The following GALNT13 variants were observed in gnomAD, a reference collection of about 807,000 sequenced individuals.
GALNT13 encodes the protein polypeptide N-acetylgalactosaminyltransferase 13.
Under a neutral mutation model 64.2 loss-of-function variants are expected in GALNT13, and 28 were observed. The observed-to-expected ratio is 0.44, with a 90% CI of 0.32 to 0.60. The LOEUF is 0.60. Ranked by LOEUF, GALNT13 falls within the 20% of genes least tolerant of loss-of-function variation. The pLI, the probability that GALNT13 is intolerant of heterozygous loss-of-function variation, is 0.05. For missense variants in GALNT13, 577 were observed against 669.8 expected, an observed-to-expected ratio of 0.86 and a Z score of 1.53; for synonymous variants, 214 against 224.6, an observed-to-expected ratio of 0.95 and a Z score of 0.42.
the GALNT13 span, among the ~76,000 whole-genome samples, chr2:153,170,451 A>T: frequency 1.3e-5 from 2 of 152,228 alleles, no homozygotes; most frequent in South Asian, 4.1e-4. Flanking sequence ...TAATTATAAG[A>T]AGAAATGTAT....
At chr2:153,493,569 C>G in the GALNT13 span, among the ~76,000 whole-genome samples, 4 of 151,660 alleles carry the variant, frequency 2.6e-5, no homozygotes, top group African/African-American at 4.8e-5. Context: ...GAAATAAGAC[C>G]AATCTTACAC....
chr2:153,480,348 T>A, the GALNT13 span, among the ~76,000 whole-genome samples: 2 of 152,168 alleles, frequency 1.3e-5, no homozygotes, highest in African/African-American at 4.8e-5. Context: ...TGCCTTCTGG[T>A]TGAGTTTTCA....
chr2:153,859,607 G>A, the GALNT13 span, among the ~76,000 whole-genome samples: 2 of 152,098 alleles, frequency 1.3e-5, no homozygotes, highest in Admixed American at 6.5e-5. Context: ...AAAATAAATA[G>A]ATAAGTATAA....
chr2:154,084,855 C>A (rs2105423640), intron 3 of GALNT13, among the ~76,000 whole-genome samples: 1 of 151,990 alleles, frequency 6.6e-6, no homozygotes, highest in Admixed American at 6.6e-5. Flanking sequence ...TCATGATTAA[C>A]AAGTTTGAAC....
chr2:153,542,462 G>T, the GALNT13 span, among the ~76,000 whole-genome samples: 3 of 152,258 alleles, frequency 2.0e-5, no homozygotes, highest in Non-Finnish European at 4.4e-5. Context: ...TACAGCTTGA[G>T]CAACTAGGAA....
At chr2:154,138,494 G>T (rs569325747) in intron 3 of GALNT13, among the ~76,000 whole-genome samples, 33 of 149,606 alleles carry the variant, frequency 2.2e-4, no homozygotes, top group African/African-American at 7.6e-4. Context: ...TTTTCAAAAT[G>T]TTAAGAATCA....
intron 9 of GALNT13, among the ~76,000 whole-genome samples, chr2:154,336,525 G>A (rs768061372): frequency 6.6e-6 from 1 of 152,098 alleles, no homozygotes; most frequent in African/African-American, 2.4e-5. Context: ...CAAAGTTACT[G>A]TGTTGGCAAA....
chr2:153,785,537 A>G, the GALNT13 span, among the ~76,000 whole-genome samples: 1 of 152,182 alleles, frequency 6.6e-6, no homozygotes, highest in African/African-American at 2.4e-5. Context: ...CCAATCCAGT[A>G]TCTCCCTACT....
At chr2:154,147,456 G>A (rs1222909438) in intron 4 of GALNT13, among the ~76,000 whole-genome samples, 1 of 151,060 alleles carries the variant, frequency 6.6e-6, no homozygotes, top group Non-Finnish European at 1.5e-5. Flanking sequence ...AAGGCATGAT[G>A]AAGGACAGTT....
chr2:153,103,966 A>G, the GALNT13 span, among the ~76,000 whole-genome samples: 3 of 152,146 alleles, frequency 2.0e-5, no homozygotes, highest in African/African-American at 7.2e-5. Flanking sequence ...TATTCTTCTT[A>G]TATTTTCACT....
At chr2:153,731,345 T>G in the GALNT13 span, among the ~76,000 whole-genome samples, 1 of 151,750 alleles carries the variant, frequency 6.6e-6, no homozygotes, top group African/African-American at 2.4e-5. Flanking sequence ...TATCAGAGAT[T>G]GCAAAAAGTG....
chr2:154,180,870 A>G (rs1443773083), intron 4 of GALNT13, among the ~76,000 whole-genome samples: 5 of 152,328 alleles, frequency 3.3e-5, no homozygotes, highest in South Asian at 4.1e-4. Flanking sequence ...ATGAAAATAT[A>G]GTTGACCCTT....
the GALNT13 span, among the ~76,000 whole-genome samples, chr2:153,532,264 G>A: frequency 3.9e-5 from 6 of 152,012 alleles, no homozygotes; most frequent in Admixed American, 3.9e-4. Flanking sequence ...ATACCCACAG[G>A]CTTAACACCA....
At chr2:153,151,055 G>A in the GALNT13 span, among the ~76,000 whole-genome samples, 1 of 151,992 alleles carries the variant, frequency 6.6e-6, no homozygotes. Flanking sequence ...AAATTACCTT[G>A]GGCAGTATGG....
the GALNT13 span, among the ~76,000 whole-genome samples, chr2:153,619,472 C>A: frequency 6.6e-6 from 1 of 152,068 alleles, no homozygotes; most frequent in African/African-American, 2.4e-5. Flanking sequence ...TTATAATATT[C>A]TGAGTTTTTT....
chr2:153,378,378 T>C, the GALNT13 span, among the ~76,000 whole-genome samples: 2 of 152,142 alleles, frequency 1.3e-5, no homozygotes. Context: ...AATAAATTCA[T>C]ACTTAAATGT....
intron 3 of GALNT13, among the ~76,000 whole-genome samples, chr2:154,037,608 A>G (rs949896656): frequency 1.3e-5 from 2 of 152,184 alleles, no homozygotes; most frequent in Admixed American, 6.6e-5. Context: ...ACAGAAAAAC[A>G]TAAAGACTCA....
At chr2:154,070,008 A>G (rs1019275272) in intron 3 of GALNT13, among the ~76,000 whole-genome samples, 2 of 152,156 alleles carry the variant, frequency 1.3e-5, no homozygotes, top group Admixed American at 6.6e-5. Flanking sequence ...AATTAAATTT[A>G]AAGAATGCAC....
the GALNT13 span, among the ~76,000 whole-genome samples, chr2:153,122,102 C>T: frequency 6.6e-6 from 1 of 151,928 alleles, no homozygotes; most frequent in Non-Finnish European, 1.5e-5. Context: ...TTTGTTATTT[C>T]ACTTATTTAG....
Sources: gnomAD v4.1 joint callset for allele counts (sites outside exome capture counted in the v4.1 genomes callset) on GRCh38, gnomAD v4.1.1 for gene constraint, MANE v1.5 for transcripts, NCBI Gene and HGNC (gene_info 2026-07-23, HGNC 2026-07-21) for gene names.